MAD1L1: variants seen among roughly 807,000 people sequenced by gnomAD.
MAD1L1 encodes mitotic arrest deficient 1 like 1, also known as mitotic spindle assembly checkpoint protein MAD1.
A neutral mutation model predicts 96.9 loss-of-function variants in MAD1L1; 95 were observed. The observed-to-expected ratio is 0.98, with a 90% CI of 0.83 to 1.16. MAD1L1 has a LOEUF of 1.16. Ranked by LOEUF, MAD1L1 falls within the 50% of genes most tolerant of loss-of-function variation. The probability of loss-of-function intolerance (pLI) is 0.00; values close to 1 mark genes in which losing one functional copy is unlikely to be tolerated. For missense variants in MAD1L1, 1,007 were observed against 954.4 expected (o/e 1.06, Z -0.73); for synonymous variants, 473 against 396.6 (o/e 1.19, Z -2.29).
At chr7:2,178,085 A>T (rs2128599188) in intron 10 of MAD1L1, among the ~76,000 whole-genome samples, 1 of 152,332 alleles carries the variant, frequency 6.6e-6, no homozygotes, top group East Asian at 1.9e-4. Context: ...TACTGAGGTT[A>T]TTTGTGGATG....
chr7:2,086,719 T>C (rs1483678437), intron 11 of MAD1L1, among the ~76,000 whole-genome samples: 1 of 152,050 alleles, frequency 6.6e-6, no homozygotes, highest in Non-Finnish European at 1.5e-5. Flanking sequence ...ACCCAGCTAA[T>C]TTTTTTTGTA....
intron 10 of MAD1L1, among the ~76,000 whole-genome samples, chr7:2,183,001 C>A (rs1021386217): frequency 3.9e-5 from 6 of 152,042 alleles, no homozygotes; most frequent in African/African-American, 1.4e-4. Context: ...TGTGGGAGAA[C>A]CACTTGAGGT....
At chr7:1,992,994 G>A (rs1781415587) in intron 14 of MAD1L1, among the ~76,000 whole-genome samples, 1 of 152,198 alleles carries the variant, frequency 6.6e-6, no homozygotes, top group Admixed American at 6.5e-5. Flanking sequence ...CTTAGGATGA[G>A]GGTACTATAT....
chr7:1,885,502 G>A (rs576728713), intron 18 of MAD1L1, among the ~76,000 whole-genome samples: 49 of 152,310 alleles, frequency 3.2e-4, no homozygotes, highest in Non-Finnish European at 5.6e-4. Flanking sequence ...TGGGCCACAG[G>A]GGTGCGGTCG....
chr7:1,877,884 T>C (rs1009312654), intron 18 of MAD1L1, among the ~76,000 whole-genome samples: 2 of 151,946 alleles, frequency 1.3e-5, no homozygotes, highest in African/African-American at 4.8e-5. Flanking sequence ...ATTAAAAATA[T>C]AGGAAGCAAA....
At chr7:1,929,335 T>C (rs188726530) in intron 17 of MAD1L1, among the ~76,000 whole-genome samples, 17 of 152,312 alleles carry the variant, frequency 1.1e-4, no homozygotes, top group African/African-American at 3.9e-4. Flanking sequence ...GCTGCTAAGA[T>C]TATTTTAATA....
intron 18 of MAD1L1, among the ~76,000 whole-genome samples, chr7:1,882,180 C>A (rs1038042307): frequency 6.6e-6 from 1 of 152,214 alleles, no homozygotes. Context: ...TGCAAGTACC[C>A]CACCCTGGGC....
chr7:1,917,137 C>T (rs2128454026), intron 17 of MAD1L1, among the ~76,000 whole-genome samples: 1 of 152,328 alleles, frequency 6.6e-6, no homozygotes, highest in Admixed American at 6.5e-5. Context: ...CCATGTGCCC[C>T]AGGGCCGAGC....
At chr7:2,011,639 C>T (rs1782307515) in intron 13 of MAD1L1, among the ~76,000 whole-genome samples, 2 of 152,184 alleles carry the variant, frequency 1.3e-5, no homozygotes, top group Admixed American at 6.5e-5. Flanking sequence ...AAAGAGCTGA[C>T]GCGGAGGTGC....
At chr7:2,012,355 C>T (rs1035476277) in intron 13 of MAD1L1, among the ~76,000 whole-genome samples, 3 of 152,240 alleles carry the variant, frequency 2.0e-5, no homozygotes, top group Non-Finnish European at 4.4e-5. Flanking sequence ...ACGTGGAAAA[C>T]GCCAGGGACG....
intron 10 of MAD1L1, among the ~76,000 whole-genome samples, chr7:2,157,812 C>T (rs1240385289): frequency 1.3e-5 from 2 of 152,220 alleles, no homozygotes; most frequent in East Asian, 3.8e-4. Context: ...GTTTATTTTC[C>T]AGAAGCCTCC....
intron 16 of MAD1L1, among the ~76,000 whole-genome samples, chr7:1,951,786 G>C (rs974921658): frequency 3.9e-5 from 6 of 152,126 alleles, no homozygotes; most frequent in African/African-American, 1.2e-4. Context: ...CCTTGAGGCT[G>C]TATCTATCAT....
At chr7:2,210,597 A>G (rs905982539) in intron 10 of MAD1L1, among the ~76,000 whole-genome samples, 1 of 152,088 alleles carries the variant, frequency 6.6e-6, no homozygotes, top group Non-Finnish European at 1.5e-5. Flanking sequence ...CTGCGGCATG[A>G]GCACCACCCC....
chr7:1,825,810 G>A (rs1256279278), intron 18 of MAD1L1, among the ~76,000 whole-genome samples: 8 of 152,154 alleles, frequency 5.3e-5, no homozygotes, highest in Non-Finnish European at 8.8e-5. Flanking sequence ...CCCAGCAGGT[G>A]CTGCTGGGGG....
chr7:1,846,601 C>G (rs1228566725), intron 18 of MAD1L1: 1 of 154,998 alleles, frequency 6.5e-6, no homozygotes, highest in African/African-American at 2.4e-5. Context: ...AGGAGCTGCC[C>G]CCACAAGGAA....
At chr7:1,863,808 G>A (rs1260784777) in intron 18 of MAD1L1, among the ~76,000 whole-genome samples, 1 of 152,182 alleles carries the variant, frequency 6.6e-6, no homozygotes, top group African/African-American at 2.4e-5. Context: ...CCCGAGGAAG[G>A]CCAGGCGCGG....
chr7:1,832,630 T>TTTTGGGGGGGGG (rs56664541), intron 18 of MAD1L1, among the ~76,000 whole-genome samples: 1 of 2,346 alleles, frequency 4.3e-4, no homozygotes, highest in African/African-American at 1.8e-3. Flanking sequence ...TTTTTTTTTT[T>TTTTGGGGGGGGG]GGCGGGGGGG....
chr7:2,162,807 C>T (rs1328819146), intron 10 of MAD1L1, among the ~76,000 whole-genome samples: 1 of 134,672 alleles, frequency 7.4e-6, no homozygotes, highest in African/African-American at 2.6e-5. Flanking sequence ...AACAGAAAAA[C>T]ACACAATTAT....
intron 11 of MAD1L1, among the ~76,000 whole-genome samples, chr7:2,126,946 G>C (rs1002020052): frequency 3.3e-5 from 5 of 152,326 alleles, no homozygotes; most frequent in Non-Finnish European, 7.3e-5. Flanking sequence ...TTTAAACAAC[G>C]GCAGATTACA....
Sources: allele counts gnomAD v4.1 joint callset (sites outside exome capture counted in the v4.1 genomes callset), GRCh38; gene constraint gnomAD v4.1.1; transcripts MANE v1.5; gene names NCBI Gene and HGNC (gene_info 2026-07-23, HGNC 2026-07-21).